Variants in NELL2 observed in about 807,000 individuals in gnomAD.
NELL2 encodes the protein neural EGFL like 2, also known as protein kinase C-binding protein NELL2.
A neutral mutation model predicts 109.6 loss-of-function variants in NELL2; 41 were observed. That is an observed-to-expected ratio of 0.37 (90% CI 0.29 to 0.49). The LOEUF (loss-of-function observed/expected upper bound fraction) is 0.49. NELL2 is among the 20% of genes least tolerant of loss of function. The pLI, the probability that NELL2 is intolerant of heterozygous loss-of-function variation, is 0.98. For missense variants in NELL2, 900 were observed against 1,008.3 expected (o/e 0.89, Z 1.45); for synonymous variants, 355 against 344.7 (o/e 1.03, Z -0.33).
At chr12:44,754,592 G>C (rs1055630821) in intron 9 of NELL2, among the ~76,000 whole-genome samples, 1 of 151,966 alleles carries the variant, frequency 6.6e-6, no homozygotes, top group Non-Finnish European at 1.5e-5. Context: ...TATATGCCAG[G>C]GATTCCTAGA....
intron 15 of NELL2, among the ~76,000 whole-genome samples, chr12:44,576,475 T>C (rs1279005409): frequency 6.6e-6 from 1 of 152,152 alleles, no homozygotes; most frequent in Non-Finnish European, 1.5e-5. Flanking sequence ...ATCAACATCA[T>C]CATTATTACC....
intron 15 of NELL2, among the ~76,000 whole-genome samples, chr12:44,584,529 C>T (rs1944427850): frequency 6.6e-6 from 1 of 152,150 alleles, no homozygotes. Flanking sequence ...TATACCTGAG[C>T]CTTATTTATG....
intron 2 of NELL2, among the ~76,000 whole-genome samples, chr12:44,825,423 G>A (rs1943680158): frequency 9.2e-6 from 1 of 109,122 alleles, no homozygotes; most frequent in East Asian, 2.8e-4. Flanking sequence ...TTGAGACAGA[G>A]TCTTGCTCTG....
At chr12:44,695,086 C>A in intron 12 of NELL2, among the ~76,000 whole-genome samples, 4 of 111,330 alleles carry the variant, frequency 3.6e-5, no homozygotes, top group African/African-American at 7.1e-5. Flanking sequence ...GAGGGAGGGG[C>A]AGAGGAAGAG....
chr12:44,778,968 T>C (rs1941853986), intron 5 of NELL2, among the ~76,000 whole-genome samples: 1 of 152,200 alleles, frequency 6.6e-6, no homozygotes, highest in African/African-American at 2.4e-5. Context: ...TATCATTGTT[T>C]GATTTGGTAA....
intron 1 of NELL2, among the ~76,000 whole-genome samples, chr12:44,899,637 T>C (rs919075287): frequency 3.3e-5 from 5 of 152,134 alleles, no homozygotes; most frequent in African/African-American, 1.2e-4. Context: ...AAGGAAAAAC[T>C]GGTACCAACC....
At chr12:44,532,974 T>A (rs1360780449) in intron 15 of NELL2, among the ~76,000 whole-genome samples, 2 of 152,192 alleles carry the variant, frequency 1.3e-5, no homozygotes, top group African/African-American at 4.8e-5. Context: ...AGAATCCATA[T>A]GTGATGGTCA....
rs145867148 is a variant in NELL2 at position 44,672,441 on chromosome 12, G to A, written c.1319-6832C>T. On this transcript the variant is annotated intron_variant, in intron 12 of 19. Transcript: ENST00000429094. ...ATCTGAGGTATAACAGTTTCATCCCGAAACCATCCCCAGAGCCCTCACCCC... is the reference window on the plus strand; with the variant it reads ...ATCTGAGGTATAACAGTTTCATCCCAAAACCATCCCCAGAGCCCTCACCCC... Among the ~76,000 whole-genome samples, 123 of 152,220 alleles carry A rather than the reference G, an allele frequency of 8.1e-4. 1 individual carries two copies. Among genetic ancestry groups the A allele is most frequent in the Admixed American group, 3.7e-3 (57 of 15,292 alleles).
intron 3 of NELL2, among the ~76,000 whole-genome samples, chr12:44,791,833 C>A (rs1942445957): frequency 6.6e-6 from 1 of 151,804 alleles, no homozygotes; most frequent in Non-Finnish European, 1.5e-5. Context: ...ATAGAAAGGA[C>A]AGCTAGATTT....
At chr12:44,626,898 A>G (rs1408051606) in intron 13 of NELL2, among the ~76,000 whole-genome samples, 3 of 152,198 alleles carry the variant, frequency 2.0e-5, no homozygotes, top group African/African-American at 7.2e-5. Flanking sequence ...AGAAATTTAC[A>G]TTTTGTTTTT....
At chr12:44,655,737 G>C (rs1315335759) in intron 13 of NELL2, among the ~76,000 whole-genome samples, 2 of 151,972 alleles carry the variant, frequency 1.3e-5, no homozygotes, top group Non-Finnish European at 2.9e-5. Context: ...TTGAGTCCTA[G>C]GGCCTGGTAT....
intron 2 of NELL2, among the ~76,000 whole-genome samples, chr12:44,852,948 A>T (rs570777787): frequency 1.3e-5 from 2 of 152,276 alleles, no homozygotes; most frequent in African/African-American, 4.8e-5. Flanking sequence ...AAATTTTTGT[A>T]GCAACTTTTA....
chr12:44,920,137 G>C (rs555946377), intron 1 of NELL2, among the ~76,000 whole-genome samples: 1 of 152,202 alleles, frequency 6.6e-6, no homozygotes, highest in Non-Finnish European at 1.5e-5. Context: ...AATAGAATGA[G>C]AAAACAGAAA....
intron 15 of NELL2, among the ~76,000 whole-genome samples, chr12:44,587,165 G>A (rs958358118): frequency 2.0e-5 from 3 of 150,240 alleles, no homozygotes; most frequent in Admixed American, 1.3e-4. Context: ...CCACCTACTC[G>A]GGAGGCTGAG....
At position 44,833,472 on chromosome 12, in the gene NELL2, A is replaced by C. The variant is rs906182117; in HGVS notation, c.185-17336T>G. 1.3e-3 allele frequency among the ~76,000 whole-genome samples: 192 copies of C among 152,318 alleles called. 1 individual carries two copies. The highest frequency in any genetic ancestry group is 4.4e-3 in the African/African-American group (185 of 41,580). On this transcript the variant is annotated intron_variant, in intron 2 of 19. Coordinates refer to ENST00000429094, the MANE Select transcript of NELL2 (RefSeq NM_001145108.2). ...TAATTGCTTTATATGCCAGTCTTACATCCTCAGAAAGACTGATTTTAATCT... is the reference window on the plus strand; with the variant it reads ...TAATTGCTTTATATGCCAGTCTTACCTCCTCAGAAAGACTGATTTTAATCT...
chr12:44,791,121 G>GTGTATA (rs1555217774), intron 3 of NELL2, among the ~76,000 whole-genome samples: 886 of 24,204 alleles, frequency 0.037, 70 homozygotes, highest in African/African-American at 0.1. Context: ...ATATATATAT[G>GTGTATA]TATATATATA....
Position 44,876,182 on chromosome 12 carries a change from C to A in NELL2, c.-313G>T. ...GCGGCTCCGTCGGGGAATTAGCTCC[C>A]GAGCCGAATAAAAGCAGCCAAAGAC... On this transcript the variant is annotated 5_prime_UTR_variant, in exon 1 of 20. Coordinates refer to ENST00000429094, the MANE Select transcript of NELL2 (RefSeq NM_001145108.2). The A allele has an allele frequency of 8.1e-7, 1 of 1,240,970 alleles. No individual in the cohort carries two copies. The highest frequency in any genetic ancestry group is 3.7e-5 in the East Asian group (1 of 26,880). The allele number at this position is 1,240,970 out of a possible 1,614,324, so 76.9% of individuals were successfully genotyped here.
chr12:44,833,356 T>C (rs1943945419), intron 2 of NELL2, among the ~76,000 whole-genome samples: 1 of 152,212 alleles, frequency 6.6e-6, no homozygotes, highest in Non-Finnish European at 1.5e-5. Flanking sequence ...CCTTTCATGA[T>C]AGTCCACAGC....
upstream of NELL2, among the ~76,000 whole-genome samples, chr12:44,879,793 G>A (rs1276961309): frequency 6.6e-6 from 1 of 151,920 alleles, no homozygotes; most frequent in East Asian, 1.9e-4. Context: ...AACTTTGCAT[G>A]TTGGCCGAAG....
Sources: gnomAD v4.1 joint callset for allele counts (sites outside exome capture counted in the v4.1 genomes callset) on GRCh38, gnomAD v4.1.1 for gene constraint, MANE v1.5 for transcripts, NCBI Gene and HGNC (gene_info 2026-07-23, HGNC 2026-07-21) for gene names.